Variants in KIF26B observed in about 807,000 individuals in gnomAD.
The protein encoded by KIF26B is kinesin family member 26B.
Under a neutral mutation model 151.2 loss-of-function variants are expected in KIF26B, and 63 were observed. The ratio of observed to expected loss-of-function variants is 0.42; its 90% CI spans 0.34 to 0.51. KIF26B has a LOEUF of 0.51. Among genes scored for constraint, KIF26B ranks in the 20% least tolerant of loss-of-function variants. The pLI, the probability that KIF26B is intolerant of heterozygous loss-of-function variation, is 0.07. For missense variants in KIF26B, 2,813 were observed against 2,913.6 expected (o/e 0.97, Z 0.79); for synonymous variants, 1,357 against 1,262.1 (o/e 1.08, Z -1.59).
chr1:245,451,877 G>A (rs375219196), intron 4 of KIF26B, among the ~76,000 whole-genome samples: 19 of 151,944 alleles, frequency 1.3e-4, no homozygotes, highest in African/African-American at 3.9e-4. Context: ...TGGGATTACA[G>A]GTATGAGCCA....
intron 2 of KIF26B, among the ~76,000 whole-genome samples, chr1:245,322,555 C>T (rs375153835): frequency 1.3e-5 from 2 of 152,078 alleles, no homozygotes; most frequent in South Asian, 2.1e-4. Flanking sequence ...ATGGAAGAGA[C>T]AGTACTCTAA....
rs865911454 is a variant in KIF26B at position 245,660,342 on chromosome 1, G to C, written c.2258+14062G>C. On this transcript the variant is annotated intron_variant, in intron 10 of 14. Coordinates refer to ENST00000407071, the MANE Select transcript of KIF26B (RefSeq NM_018012.4). Reference sequence around the variant, plus strand: ...TAATTTCTGTTCTTTGCTATTTTTTGGGGGGGCGGGTAGGGGAGACAAAGG... The same window carrying C: ...TAATTTCTGTTCTTTGCTATTTTTTCGGGGGGCGGGTAGGGGAGACAAAGG... 1.1e-4 allele frequency among the ~76,000 whole-genome samples: 2 copies of C among 18,268 alleles called. 1 individual carries two copies. Among genetic ancestry groups the C allele is most frequent in the African/African-American group, 7.3e-4 (2 of 2,744 alleles). The allele number at this position is 18,268 out of a possible 152,430, so 12.0% of individuals were successfully genotyped here.
At chr1:245,331,262 C>T (rs917122037) in intron 2 of KIF26B, among the ~76,000 whole-genome samples, 13 of 152,176 alleles carry the variant, frequency 8.5e-5, no homozygotes, top group South Asian at 2.1e-4. Context: ...CCCAGCGCCA[C>T]GGTGCCAAGT....
In KIF26B at chr1:245,685,686, C is replaced by T. The variant is rs769516810; in HGVS notation, c.2703C>T (p.Gly901=). 1.5e-5 allele frequency: 24 copies of T among 1,612,726 alleles called. No individual in the cohort carries two copies. In the Middle Eastern group the frequency reaches 4.9e-4, roughly 33 times the overall value. ...TGCCAGCCCTGCAGAAGACCCGGGG[C>T]GACAGCCGGCCCGCAGAGGCAGGAG... ...PIVPALQKTR[G]DSRPAEAGEA... Residue 901 remains glycine, a synonymous_variant, in exon 12 of 15, where the codon GGC becomes GGT. Coordinates refer to ENST00000407071, the MANE Select transcript of KIF26B (RefSeq NM_018012.4).
Position 245,653,889 on chromosome 1 carries a change from G to A in KIF26B, c.2258+7609G>A, listed in dbSNP as rs548547342. On this transcript the variant is annotated intron_variant, in intron 10 of 14. Transcript: ENST00000407071. ...AGTCTGAACAACATAAGGAGACCTC[G>A]TCTCCACAAAAAAAAATTAAAACAC... is the stretch of plus-strand genomic sequence containing the variant. Among the ~76,000 whole-genome samples, 228 of 106,312 alleles carry A rather than the reference G, an allele frequency of 2.1e-3. 3 individuals carry two copies. In the East Asian group the frequency reaches 0.041, roughly 19 times the overall value. The allele number at this position is 106,312 out of a possible 152,430, so 69.7% of individuals were successfully genotyped here. A position where few individuals can be genotyped will look rare whatever the true frequency, so the allele number is the denominator to read the frequency against.
At chr1:245,642,206 A>G (rs1474752113) in intron 9 of KIF26B, among the ~76,000 whole-genome samples, 1 of 152,178 alleles carries the variant, frequency 6.6e-6, no homozygotes, top group East Asian at 1.9e-4. Context: ...GTCTCTGCAC[A>G]GGTAGGTTGT....
intron 3 of KIF26B, among the ~76,000 whole-genome samples, chr1:245,389,469 A>G (rs2103021365): frequency 6.6e-6 from 1 of 152,280 alleles, no homozygotes; most frequent in African/African-American, 2.4e-5. Flanking sequence ...GCAAGTATAC[A>G]GTCTTCCTGG....
intron 4 of KIF26B, among the ~76,000 whole-genome samples, chr1:245,502,648 G>A (rs1198656184): frequency 1.3e-5 from 2 of 152,006 alleles, no homozygotes; most frequent in Non-Finnish European, 2.9e-5. Context: ...TTTGTTTCAG[G>A]CACTCTCTGT....
chr1:245,213,428 C>T (rs1271152443), intron 2 of KIF26B, among the ~76,000 whole-genome samples: 1 of 152,228 alleles, frequency 6.6e-6, no homozygotes. Context: ...GCTGTGTTCC[C>T]TCTCTTTCTG....
At chr1:245,604,883 T>C (rs1370350100) in intron 6 of KIF26B, among the ~76,000 whole-genome samples, 1 of 152,124 alleles carries the variant, frequency 6.6e-6, no homozygotes, top group Non-Finnish European at 1.5e-5. Context: ...TAGAATTCAG[T>C]GGGGTAGGAA....
intron 2 of KIF26B, among the ~76,000 whole-genome samples, chr1:245,164,185 TTC>T (rs755971882): frequency 2.3e-4 from 35 of 152,318 alleles, no homozygotes; most frequent in Non-Finnish European, 4.7e-4. Flanking sequence ...CAAATGTCTT[TTC>T]AGTATTTAGA....
intron 4 of KIF26B, among the ~76,000 whole-genome samples, chr1:245,521,637 C>T (rs940257344): frequency 1.3e-5 from 2 of 152,148 alleles, no homozygotes; most frequent in African/African-American, 4.8e-5. Context: ...TGCAACAAGG[C>T]TTACTTCTTC....
intron 4 of KIF26B, among the ~76,000 whole-genome samples, chr1:245,530,097 C>T (rs952749604): frequency 6.6e-6 from 1 of 152,184 alleles, no homozygotes; most frequent in Non-Finnish European, 1.5e-5. Flanking sequence ...ATTCATTGAT[C>T]ATCATAGAAA....
At chr1:245,212,239 G>A (rs535666475) in intron 2 of KIF26B, among the ~76,000 whole-genome samples, 2 of 152,140 alleles carry the variant, frequency 1.3e-5, no homozygotes, top group African/African-American at 4.8e-5. Flanking sequence ...TGTCTTTATT[G>A]CTCATCCCCA....
At chr1:245,539,665 T>C (rs967747116) in intron 4 of KIF26B, among the ~76,000 whole-genome samples, 1 of 152,176 alleles carries the variant, frequency 6.6e-6, no homozygotes, top group Non-Finnish European at 1.5e-5. Flanking sequence ...GTTTTGTTTT[T>C]CTTTTGAGAC....
chr1:245,418,811 A>G (rs1401930876), intron 3 of KIF26B, among the ~76,000 whole-genome samples: 2 of 152,196 alleles, frequency 1.3e-5, no homozygotes, highest in African/African-American at 2.4e-5. Context: ...TCAAAAGTGT[A>G]TTTCTACACA....
intron 11 of KIF26B, among the ~76,000 whole-genome samples, chr1:245,685,050 G>A (rs1428123528): frequency 1.3e-5 from 2 of 152,202 alleles, no homozygotes; most frequent in Non-Finnish European, 2.9e-5. Flanking sequence ...TCTCTGTTTT[G>A]TACCTTTTTT....
At position 245,419,655 on chromosome 1, in the gene KIF26B, C is replaced by T. The variant is rs570469407; in HGVS notation, c.1076C>T (p.Pro359Leu). ...CTGAACCGCTACAATGCAGACAAGCCTTCCGCCTGCAGTGTCCCAGCCTCG... is the reference window on the plus strand; with the variant it reads ...CTGAACCGCTACAATGCAGACAAGCTTTCCGCCTGCAGTGTCCCAGCCTCG... The part of the protein sequence containing the change: ...AVLNRYNADK[P>L]SACSVPASQG... Residue 359 changes from proline (P) to leucine (L), a missense_variant, in exon 4 of 15, where the codon CCT becomes CTT. This residue lies in a region of KIF26B where 676 missense variants were observed against 688.1 expected (regional missense o/e 0.98). Transcript: ENST00000407071. 4 of 1,613,898 alleles carry T rather than the reference C, an allele frequency of 2.5e-6. No individual in the cohort carries two copies. The highest frequency in any genetic ancestry group is 2.2e-5 in the South Asian group (2 of 91,066).
intron 4 of KIF26B, among the ~76,000 whole-genome samples, chr1:245,490,306 A>ATT (rs57644744): frequency 7.2e-5 from 6 of 83,844 alleles, no homozygotes; most frequent in African/African-American, 1.4e-4. Flanking sequence ...TCTGTAGAAC[A>ATT]TTTTTTTTTT....
Sources: gnomAD v4.1 joint callset for allele counts (sites outside exome capture counted in the v4.1 genomes callset) on GRCh38, gnomAD v4.1.1 for gene constraint, gnomAD v4.1.1 regional missense constraint, MANE v1.5 for transcripts, NCBI Gene and HGNC (gene_info 2026-07-23, HGNC 2026-07-21) for gene names.